The following PAK5 variants were observed in gnomAD, a reference collection of about 807,000 sequenced individuals.
PAK5 encodes p21 (RAC1) activated kinase 5, also known as serine/threonine-protein kinase PAK 5.
PAK5 carries 16 observed loss-of-function variants against 65.9 expected under a neutral mutation model. That is an observed-to-expected ratio of 0.24 (90% CI 0.16 to 0.37). The LOEUF (loss-of-function observed/expected upper bound fraction) is 0.37, where lower values mean the gene tolerates loss of function less well. PAK5 is among the 10% of genes least tolerant of loss of function. The pLI is 1.00. For synonymous variants in PAK5, 371 were observed against 354.9 expected (o/e 1.05, Z -0.51); for missense variants, 785 against 903.9 (o/e 0.87, Z 1.69).
At chr20:9,760,466 G>T in intron 1 of PAK5, among the ~76,000 whole-genome samples, 1 of 151,648 alleles carries the variant, frequency 6.6e-6, no homozygotes, top group African/African-American at 2.4e-5. Flanking sequence ...ACTCATAAAA[G>T]GTGTGAAGTG....
At chr20:9,776,685 C>T (rs2048890366) in intron 1 of PAK5, among the ~76,000 whole-genome samples, 1 of 152,112 alleles carries the variant, frequency 6.6e-6, no homozygotes, top group Non-Finnish European at 1.5e-5. Context: ...TGAAGTGAGG[C>T]ACTGAGACCT....
chr20:9,722,668 C>G (rs897563247), intron 1 of PAK5, among the ~76,000 whole-genome samples: 16 of 152,076 alleles, frequency 1.1e-4, no homozygotes, highest in African/African-American at 2.9e-4. Context: ...AGCCAGTGAC[C>G]AGACCACGCA....
At chr20:9,574,459 T>C (rs1234519430) in intron 4 of PAK5, among the ~76,000 whole-genome samples, 1 of 152,192 alleles carries the variant, frequency 6.6e-6, no homozygotes, top group African/African-American at 2.4e-5. Flanking sequence ...TGACCTGCGA[T>C]CCGTCATCGC....
At chr20:9,785,195 G>A (rs1310747900) in intron 1 of PAK5, among the ~76,000 whole-genome samples, 1 of 152,228 alleles carries the variant, frequency 6.6e-6, no homozygotes, top group Admixed American at 6.5e-5. Flanking sequence ...TTTAGGTAAG[G>A]ATGTAGAATA....
chr20:9,766,372 CAAGCAGAA>C, intron 1 of PAK5, among the ~76,000 whole-genome samples: 1 of 32,384 alleles, frequency 3.1e-5, no homozygotes, highest in African/African-American at 1.7e-4. Context: ...TATATATATT[CAAGCAGAA>C]TATATATGTA....
chr20:9,544,667 T>A (rs553619299), intron 7 of PAK5, among the ~76,000 whole-genome samples, 173 bp from the exon 8 acceptor site: 36 of 152,322 alleles, frequency 2.4e-4, no homozygotes, highest in African/African-American at 8.7e-4. Context: ...TGGTCCATTT[T>A]AATGGAGAAA....
chr20:9,788,036 C>T (rs2049012033), intron 1 of PAK5, among the ~76,000 whole-genome samples: 1 of 151,562 alleles, frequency 6.6e-6, no homozygotes, highest in Non-Finnish European at 1.5e-5. Context: ...AAAGCTAGTG[C>T]TGTTGATAGG....
chr20:9,726,802 T>C (rs1017797483), intron 1 of PAK5, among the ~76,000 whole-genome samples: 1 of 152,128 alleles, frequency 6.6e-6, no homozygotes, highest in Non-Finnish European at 1.5e-5. Flanking sequence ...CTGCACATTC[T>C]GCACATGTAT....
intron 3 of PAK5, among the ~76,000 whole-genome samples, chr20:9,637,733 C>A (rs2046999740): frequency 6.6e-6 from 1 of 152,114 alleles, no homozygotes; most frequent in South Asian, 2.1e-4. Context: ...ATTATGACAT[C>A]ATTTCATAAA....
intron 1 of PAK5, among the ~76,000 whole-genome samples, chr20:9,783,621 GAT>G (rs1401617708): frequency 1.3e-5 from 2 of 152,288 alleles, no homozygotes; most frequent in African/African-American, 4.8e-5. Context: ...CTCCGAGGAA[GAT>G]ATGTTACGGA....
chr20:9,794,212 A>C (rs2049080970), intron 1 of PAK5, among the ~76,000 whole-genome samples: 1 of 152,042 alleles, frequency 6.6e-6, no homozygotes, highest in African/African-American at 2.4e-5. Flanking sequence ...GCATTAGAAC[A>C]GATACCTAAT....
chr20:9,729,524 C>A (rs1488947498), intron 1 of PAK5, among the ~76,000 whole-genome samples: 3 of 151,708 alleles, frequency 2.0e-5, no homozygotes, highest in Admixed American at 1.3e-4. Context: ...TCTCTTGTAC[C>A]CACAGGTGGT....
intron 1 of PAK5, among the ~76,000 whole-genome samples, chr20:9,742,924 G>A (rs1325026395): frequency 6.6e-6 from 1 of 152,206 alleles, no homozygotes; most frequent in African/African-American, 2.4e-5. Flanking sequence ...TTTACTAACA[G>A]GACGATAACC....
intron 3 of PAK5, among the ~76,000 whole-genome samples, chr20:9,612,638 C>T (rs1029542257): frequency 6.6e-6 from 1 of 152,100 alleles, no homozygotes; most frequent in Non-Finnish European, 1.5e-5. Context: ...ACTCCACCCC[C>T]CCGATCCAAT....
At chr20:9,597,898 G>C (rs6140976) in intron 3 of PAK5, among the ~76,000 whole-genome samples, 11,555 of 152,280 alleles carry the variant, frequency 0.076, 552 homozygotes, top group East Asian at 0.2. Context: ...AGAACCATGG[G>C]TCAAGCACAG....
At chr20:9,830,144 G>A (rs1239986310) in intron 1 of PAK5, among the ~76,000 whole-genome samples, 2 of 152,196 alleles carry the variant, frequency 1.3e-5, no homozygotes, top group Non-Finnish European at 2.9e-5. Context: ...GGAGTGCAGA[G>A]TAGCAGAGCC....
chr20:9,835,223 A>C (rs1390036080), intron 1 of PAK5, among the ~76,000 whole-genome samples: 3 of 152,202 alleles, frequency 2.0e-5, no homozygotes, highest in Admixed American at 2.0e-4. Context: ...ACATAAAATA[A>C]ATGGCCATTA....
In PAK5 at chr20:9,566,948, G is replaced by A. The variant is rs143873566; in HGVS notation, c.991-564C>T. On this transcript the variant is annotated intron_variant, in intron 4 of 9. Coordinates refer to ENST00000353224, the MANE Select transcript of PAK5 (RefSeq NM_177990.4). ...GTGAAATGAAAATGATGCTAGACCC[G>A]AAAGAGATCCCAGCAAAGAACATCC... is the stretch of plus-strand genomic sequence containing the variant. Among the ~76,000 whole-genome samples the A allele has an allele frequency of 5.3e-5, 8 of 152,264 alleles. No homozygotes were observed. The East Asian group carries it at 5.8e-4, about 11-fold the overall frequency.
intron 2 of PAK5, among the ~76,000 whole-genome samples, chr20:9,691,964 T>A (rs1228124620): frequency 6.6e-6 from 1 of 152,198 alleles, no homozygotes; most frequent in Non-Finnish European, 1.5e-5. Flanking sequence ...CTCTAAAAGC[T>A]TCTAAGATTG....
Sources: allele counts gnomAD v4.1 joint callset (sites outside exome capture counted in the v4.1 genomes callset), GRCh38; gene constraint gnomAD v4.1.1; transcripts MANE v1.5; gene names NCBI Gene and HGNC (gene_info 2026-07-23, HGNC 2026-07-21).